WWOX: variants seen among roughly 807,000 people sequenced by gnomAD.
WWOX encodes the protein WW domain-containing oxidoreductase.
In WWOX, 69 loss-of-function variants were observed where a neutral mutation model predicts 46.2. The ratio of observed to expected loss-of-function variants is 1.49; its 90% CI spans 1.23 to 1.82. The LOEUF is 1.82. Among genes scored for constraint, WWOX ranks in the 40% most tolerant of loss-of-function variants. WWOX has a pLI of 0.00. For missense variants in WWOX, 919 were observed against 542.6 expected (o/e 1.69, Z -6.89); for synonymous variants, 359 against 202.6 (o/e 1.77, Z -6.56).
At chr16:79,003,875 C>A (rs1015299212) in intron 8 of WWOX, among the ~76,000 whole-genome samples, 1 of 152,158 alleles carries the variant, frequency 6.6e-6, no homozygotes, top group Non-Finnish European at 1.5e-5. Flanking sequence ...GGGGAAGGGA[C>A]ACAGACTCCA....
At chr16:78,562,486 G>A (rs955401413) in intron 8 of WWOX, among the ~76,000 whole-genome samples, 1 of 152,174 alleles carries the variant, frequency 6.6e-6, no homozygotes, top group Non-Finnish European at 1.5e-5. Context: ...TAACCTCCCA[G>A]GTTCATGGAG....
At chr16:78,412,159 C>T (rs946251458) in intron 6 of WWOX, among the ~76,000 whole-genome samples, 1 of 152,180 alleles carries the variant, frequency 6.6e-6, no homozygotes, top group Admixed American at 6.5e-5. Context: ...CCTAGAGATA[C>T]TGACATTGAC....
chr16:78,787,592 T>G (rs902984964), intron 8 of WWOX, among the ~76,000 whole-genome samples: 6 of 152,252 alleles, frequency 3.9e-5, no homozygotes, highest in Non-Finnish European at 5.9e-5. Context: ...TTTCTACTTG[T>G]TGGCTGTTAC....
chr16:79,000,123 G>A (rs1038751509), intron 8 of WWOX, among the ~76,000 whole-genome samples: 1 of 152,162 alleles, frequency 6.6e-6, no homozygotes, highest in Non-Finnish European at 1.5e-5. Context: ...CCATTTGACT[G>A]CTGCTCCTTT....
chr16:78,508,820 G>A (rs1322351985), intron 8 of WWOX, among the ~76,000 whole-genome samples: 1 of 152,198 alleles, frequency 6.6e-6, no homozygotes, highest in Admixed American at 6.5e-5. Context: ...CCCCTGGTCA[G>A]AAGGGGTGAT....
At chr16:79,003,693 C>G (rs543323240) in intron 8 of WWOX, among the ~76,000 whole-genome samples, 1 of 152,130 alleles carries the variant, frequency 6.6e-6, no homozygotes, top group African/African-American at 2.4e-5. Context: ...CGTGGCTGCT[C>G]CAGCACCGTG....
At chr16:78,888,905 C>T (rs965365885) in intron 8 of WWOX, among the ~76,000 whole-genome samples, 14 of 152,068 alleles carry the variant, frequency 9.2e-5, no homozygotes, top group African/African-American at 3.4e-4. Flanking sequence ...CCATTCCTCA[C>T]AGTGGCAATT....
chr16:78,363,554 C>G (rs2081461181), intron 5 of WWOX, among the ~76,000 whole-genome samples: 1 of 152,124 alleles, frequency 6.6e-6, no homozygotes, highest in Admixed American at 6.6e-5. Flanking sequence ...GCTGGGAATA[C>G]AGGTGTGAGC....
intron 8 of WWOX, among the ~76,000 whole-genome samples, chr16:78,441,986 G>C (rs1301850362): frequency 6.7e-6 from 1 of 149,442 alleles, no homozygotes; most frequent in Non-Finnish European, 1.5e-5. Flanking sequence ...GTGTGTGTGT[G>C]TGTGGCTGGG....
intron 8 of WWOX, among the ~76,000 whole-genome samples, chr16:78,963,700 C>G (rs189781271): frequency 1.3e-5 from 2 of 152,300 alleles, no homozygotes; most frequent in East Asian, 1.9e-4. Context: ...AGACATTGCA[C>G]TATGCACTTA....
At chr16:78,779,830 A>C (rs2050280986) in intron 8 of WWOX, among the ~76,000 whole-genome samples, 1 of 152,134 alleles carries the variant, frequency 6.6e-6, no homozygotes, top group South Asian at 2.1e-4. Flanking sequence ...CCAAGGAAGG[A>C]AAGGGGAAGG....
chr16:78,147,277 G>A (rs1157314253), intron 4 of WWOX, among the ~76,000 whole-genome samples: 1 of 151,492 alleles, frequency 6.6e-6, no homozygotes, highest in African/African-American at 2.4e-5. Flanking sequence ...CCTCTTTTTT[G>A]TATGTTTGAG....
intron 8 of WWOX, among the ~76,000 whole-genome samples, chr16:78,548,192 G>C (rs983128909): frequency 1.5e-5 from 2 of 130,150 alleles, no homozygotes; most frequent in African/African-American, 5.4e-5. Context: ...CGAATTTTGC[G>C]AGGACGCAAA....
intron 8 of WWOX, chr16:78,899,785 A>C (rs2044783320): frequency 6.6e-6 from 1 of 152,150 alleles, no homozygotes; most frequent in African/African-American, 2.4e-5. Flanking sequence ...TTAAGACGAA[A>C]ATCTTTTATA....
At chr16:78,202,252 G>A (rs956325731) in intron 5 of WWOX, among the ~76,000 whole-genome samples, 1 of 152,194 alleles carries the variant, frequency 6.6e-6, no homozygotes, top group Non-Finnish European at 1.5e-5. Context: ...ACGTGGAAGA[G>A]TTGTTGGTCC....
intron 6 of WWOX, 65 bp downstream of exon 6, chr16:78,387,013 A>T: frequency 2.7e-6 from 4 of 1,494,452 alleles, no homozygotes; most frequent in Non-Finnish European, 3.7e-6. Context: ...TTATCAGATG[A>T]ACACAATTGG....
intron 8 of WWOX, among the ~76,000 whole-genome samples, chr16:78,933,676 G>A (rs946546730): frequency 2.0e-5 from 3 of 152,126 alleles, no homozygotes; most frequent in African/African-American, 7.2e-5. Context: ...CACAATTACG[G>A]GGGCAGACAA....
chr16:78,937,558 G>C (rs1332922182), intron 8 of WWOX, among the ~76,000 whole-genome samples: 2 of 145,748 alleles, frequency 1.4e-5, no homozygotes, highest in Non-Finnish European at 3.0e-5. Context: ...GCTTCCCAAA[G>C]TGCTGCGATT....
At chr16:79,030,080 C>A (rs989962793) in intron 8 of WWOX, among the ~76,000 whole-genome samples, 1 of 152,100 alleles carries the variant, frequency 6.6e-6, no homozygotes, top group South Asian at 2.1e-4. Flanking sequence ...TAGCATCTGC[C>A]CAAAAGATGC....
Sources: gnomAD v4.1 joint callset for allele counts (sites outside exome capture counted in the v4.1 genomes callset) on GRCh38, gnomAD v4.1.1 for gene constraint, MANE v1.5 for transcripts, NCBI Gene and HGNC (gene_info 2026-07-23, HGNC 2026-07-21) for gene names.